CLIC5: variants seen among roughly 807,000 people sequenced by gnomAD.
The protein encoded by CLIC5 is CLIC family member 5, also known as chloride intracellular channel protein 5.
CLIC5 carries 20 observed loss-of-function variants against 24.7 expected under a neutral mutation model. The ratio of observed to expected loss-of-function variants is 0.81; its 90% CI spans 0.57 to 1.18. The LOEUF (loss-of-function observed/expected upper bound fraction) is 1.18, where lower values mean the gene tolerates loss of function less well. CLIC5 is among the 50% of genes most tolerant of loss of function. CLIC5 has a pLI of 0.00. For synonymous variants in CLIC5, 159 were observed against 135.6 expected, an observed-to-expected ratio of 1.17 and a Z score of -1.20; for missense variants, 341 against 326.1, an observed-to-expected ratio of 1.05 and a Z score of -0.35.
At chr6:45,898,105 C>T (rs921612228), downstream of CLIC5, among the ~76,000 whole-genome samples, 1 of 151,912 alleles carries the variant, frequency 6.6e-6, no homozygotes, top group Non-Finnish European at 1.5e-5. Context: ...CTCGCTCTGT[C>T]GGTGTCACTC....
chr6:45,933,188 G>A lies in CLIC5; in HGVS notation c.406+8359C>T, dbSNP rs574250743. ...GGAAACAGAACCAAGACTGCTCAGG[G>A]ACCTGTGTGGCTAATGGCCACTTTT... On this transcript the variant is annotated intron_variant, in intron 4 of 5. Coordinates refer to ENST00000339561, the MANE Select transcript of CLIC5 (RefSeq NM_016929.5). Among the ~76,000 whole-genome samples, 21 of 152,280 alleles carry A rather than the reference G, an allele frequency of 1.4e-4. No homozygotes were observed. The South Asian group carries it at 2.7e-3, about 20-fold the overall frequency.
At chr6:46,108,393 T>TGAGA in the CLIC5 span, among the ~76,000 whole-genome samples, 1,867 of 135,034 alleles carry the variant, frequency 0.014, 14 homozygotes, top group South Asian at 0.029. Context: ...TGTGTGTGTG[T>TGAGA]GTGTGTGTGA....
intron 4 of CLIC5, among the ~76,000 whole-genome samples, chr6:45,936,299 G>A (rs1561946580): frequency 6.6e-6 from 1 of 150,568 alleles, no homozygotes; most frequent in Non-Finnish European, 1.5e-5. Flanking sequence ...CCGCCTCCCG[G>A]GTTCAAGTGA....
At chr6:46,023,945 A>G (rs562107559) in intron 1 of CLIC5, among the ~76,000 whole-genome samples, 10 of 152,216 alleles carry the variant, frequency 6.6e-5, no homozygotes, top group African/African-American at 2.2e-4. Context: ...TGACCTACAC[A>G]TCTGATTTTC....
intron 5 of CLIC5, among the ~76,000 whole-genome samples, chr6:45,907,144 A>T (rs1422754888): frequency 6.6e-6 from 1 of 152,146 alleles, no homozygotes; most frequent in African/African-American, 2.4e-5. Flanking sequence ...ATTCAGTAAG[A>T]TGTTGGCTGC....
intron 1 of CLIC5, among the ~76,000 whole-genome samples, chr6:46,037,875 C>T (rs1240859194): frequency 6.6e-6 from 1 of 152,102 alleles, no homozygotes; most frequent in Admixed American, 6.5e-5. Flanking sequence ...TATTTGGTTA[C>T]AGGTAGGGAT....
chr6:45,943,062 T>C (rs1764185649), intron 3 of CLIC5, among the ~76,000 whole-genome samples: 1 of 152,250 alleles, frequency 6.6e-6, no homozygotes, highest in African/African-American at 2.4e-5. Flanking sequence ...CTATTCCCTT[T>C]ACACGTATTC....
the CLIC5 span, among the ~76,000 whole-genome samples, chr6:46,121,900 A>G: frequency 2.0e-5 from 3 of 152,206 alleles, no homozygotes; most frequent in African/African-American, 7.2e-5. Flanking sequence ...ATATATATGC[A>G]CCCAATACAG....
intron 1 of CLIC5, among the ~76,000 whole-genome samples, chr6:45,956,288 T>C (rs1022176171): frequency 1.3e-5 from 2 of 152,164 alleles, no homozygotes; most frequent in African/African-American, 4.8e-5. Context: ...ACATAATACT[T>C]AGAGGAAGAA....
At chr6:45,918,926 T>C (rs1561931579) in intron 4 of CLIC5, 3 of 984,736 alleles carry the variant, frequency 3.0e-6, no homozygotes, top group Non-Finnish European at 3.6e-6. Flanking sequence ...AACTGAGTCT[T>C]AGACTTACCC....
chr6:45,914,405 A>G lies in CLIC5; in HGVS notation c.411T>C (p.Leu137=). Reference sequence around the variant, plus strand: ...TTAGAGCCTTGGTTAGGCCTCTTTCAAGAGCTGGCATGAAAGAGTAAAAGG... The same window carrying G: ...TTAGAGCCTTGGTTAGGCCTCTTTCGAGAGCTGGCATGAAAGAGTAAAAGG... The part of the protein sequence containing the change: ...KNTKQQNNAA[L]ERGLTKALKK... Residue 137 remains leucine (L), a synonymous_variant, in exon 5 of 6, where the codon CTT becomes CTC. Transcript: ENST00000339561. 1 of 1,565,128 alleles carries G rather than the reference A, an allele frequency of 6.4e-7. No individual in the cohort carries two copies. The highest frequency in any genetic ancestry group is 1.2e-5 in the South Asian group (1 of 85,940).
chr6:45,931,573 G>T (rs57511523), intron 4 of CLIC5, among the ~76,000 whole-genome samples: 3,183 of 152,242 alleles, frequency 0.021, 123 homozygotes, highest in African/African-American at 0.073. Flanking sequence ...GTGAAATCAG[G>T]CAATGTCTTA....
At chr6:46,073,292 T>A (rs1338328029) in intron 1 of CLIC5, among the ~76,000 whole-genome samples, 1 of 152,158 alleles carries the variant, frequency 6.6e-6, no homozygotes, top group Admixed American at 6.5e-5. Flanking sequence ...ATCAAAACCT[T>A]GTGCTGAATC....
intron 5 of CLIC5, among the ~76,000 whole-genome samples, chr6:45,911,467 G>C (rs1179826666): frequency 6.6e-6 from 1 of 152,158 alleles, no homozygotes; most frequent in African/African-American, 2.4e-5. Context: ...TTGAGAAGAG[G>C]CTGTCTTGGC....
intron 4 of CLIC5, among the ~76,000 whole-genome samples, chr6:45,929,495 C>T (rs891534432): frequency 1.3e-5 from 2 of 152,234 alleles, no homozygotes; most frequent in African/African-American, 2.4e-5. Flanking sequence ...AACAAACCAA[C>T]AAACAAAATA....
At chr6:45,885,185 A>G (rs1220272948) in intron 6 of CLIC5, among the ~76,000 whole-genome samples, 3 of 152,098 alleles carry the variant, frequency 2.0e-5, no homozygotes, top group African/African-American at 4.8e-5. Context: ...CTTTGAGAGG[A>G]GGAGCTCTCC....
the CLIC5 span, among the ~76,000 whole-genome samples, chr6:46,121,684 C>G: frequency 1.3e-5 from 2 of 152,130 alleles, no homozygotes; most frequent in Non-Finnish European, 2.9e-5. Flanking sequence ...ATTCAGGAAA[C>G]CCATCTCTTG....
At chr6:46,021,155 T>C (rs1309952090) in intron 1 of CLIC5, among the ~76,000 whole-genome samples, 2 of 148,174 alleles carry the variant, frequency 1.3e-5, no homozygotes, top group Non-Finnish European at 3.0e-5. Flanking sequence ...CACTTTAACC[T>C]AGAAGACTTA....
chr6:46,069,241 C>T (rs1291697245), intron 1 of CLIC5, among the ~76,000 whole-genome samples: 12 of 152,098 alleles, frequency 7.9e-5, no homozygotes, highest in Non-Finnish European at 1.5e-4. Flanking sequence ...TCGCTCCATC[C>T]TGGCCTTTTT....
Sources: gnomAD v4.1 joint callset for allele counts (sites outside exome capture counted in the v4.1 genomes callset) on GRCh38, gnomAD v4.1.1 for gene constraint, MANE v1.5 for transcripts, NCBI Gene and HGNC (gene_info 2026-07-23, HGNC 2026-07-21) for gene names.